The following FSIP2 variants were observed in gnomAD, a reference collection of about 807,000 sequenced individuals.
The protein encoded by FSIP2 is fibrous sheath interacting protein 2, also known as fibrous sheath-interacting protein 2.
In FSIP2, 367 loss-of-function variants were observed where a neutral mutation model predicts 510.5. The ratio of observed to expected loss-of-function variants is 0.72; its 90% CI spans 0.66 to 0.78. FSIP2 has a LOEUF of 0.78. Among genes scored for constraint, FSIP2 ranks in the 30% least tolerant of loss-of-function variants. The probability of loss-of-function intolerance (pLI) is 0.00; values close to 1 mark genes in which losing one functional copy is unlikely to be tolerated. For synonymous variants in FSIP2, 2,601 were observed against 2,732.2 expected (o/e 0.95, Z 1.50); for missense variants, 7,594 against 7,901.7 (o/e 0.96, Z 1.48).
At chr2:185,768,818 T>A (rs1692549225) in intron 13 of FSIP2, among the ~76,000 whole-genome samples, 1 of 152,110 alleles carries the variant, frequency 6.6e-6, no homozygotes, top group Non-Finnish European at 1.5e-5. Flanking sequence ...CTCGGTGTCA[T>A]TCCCCTCTTC....
intron 13 of FSIP2, 93 bp from the exon 14 acceptor site, chr2:185,782,612 A>G (rs985925283): frequency 1.3e-6 from 1 of 766,066 alleles, no homozygotes; most frequent in South Asian, 1.5e-5. Flanking sequence ...CGAGGCAGTG[A>G]TAACAGAAAA....
chr2:185,738,666 C>T (rs1384410711), upstream of FSIP2: 8 of 1,535,940 alleles, frequency 5.2e-6, no homozygotes, highest in East Asian at 2.4e-5. Context: ...TCAGGCCTCT[C>T]GGACCGATTT....
Position 185,806,911 on chromosome 2 carries a change from A to G in FSIP2, c.17605A>G (p.Arg5869Gly), listed in dbSNP as rs200104622. The change falls in exon 17 of 23, where the codon AGG becomes GGG. Residue 5869 changes from arginine (R) to glycine (G), a missense_variant. Transcript: ENST00000424728. ...KVSSVPKVPPRYKEPTTDEAP... is the reference protein window; with the variant it reads ...KVSSVPKVPPGYKEPTTDEAP... ...GTCTTCAGTTCCTAAAGTACCTCCA[A>G]GGTATAAAGAGCCAACTACAGATGA... The G allele has an allele frequency of 5.8e-5, 94 of 1,610,186 alleles. No individual in the cohort carries two copies. The highest frequency in any genetic ancestry group is 7.1e-5 in the Non-Finnish European group (84 of 1,178,372).
chr2:185,801,661 A>G lies in FSIP2; in HGVS notation c.12355A>G (p.Ser4119Gly), dbSNP rs1358804623. 1.3e-6 allele frequency: 2 copies of G among 1,529,132 alleles called. No individual in the cohort carries two copies. The highest frequency in any genetic ancestry group is 2.4e-5 in the South Asian group (2 of 83,002). The allele number at this position is 1,529,132 out of a possible 1,614,324, so 94.7% of individuals were successfully genotyped here. The part of the protein sequence containing the change: ...KPEIILQKLQ[S>G]NLTEFTSLPR... The stretch of plus-strand genomic sequence containing the variant: ...TGAAATTATATTGCAAAAGCTTCAA[A>G]GTAACCTAACAGAATTTACTTCTCT... The change falls in exon 17 of 23, where the codon AGT (serine) becomes GGT (glycine). Residue 4119 changes from serine (S) to glycine (G), a missense_variant. Coordinates refer to ENST00000424728, the MANE Select transcript of FSIP2 (RefSeq NM_173651.4).
intron 13 of FSIP2, among the ~76,000 whole-genome samples, chr2:185,780,834 G>T (rs535399295): frequency 3.4e-4 from 52 of 152,096 alleles, no homozygotes; most frequent in African/African-American, 1.2e-3. Flanking sequence ...ATTTACATAC[G>T]CTGCTGCCAG....
chr2:185,809,283 T>C (rs921969358), intron 17 of FSIP2, 150 bp downstream of exon 17: 3 of 817,178 alleles, frequency 3.7e-6, no homozygotes, highest in African/African-American at 3.5e-5. Flanking sequence ...AGTTCATCCA[T>C]ACAGTCATAT....
intron 3 of FSIP2, 60 bp downstream of exon 3, chr2:185,743,354 T>C (rs1198050952): frequency 3.4e-6 from 4 of 1,186,796 alleles, no homozygotes; most frequent in Non-Finnish European, 4.5e-6. Context: ...TGATATAAAC[T>C]TGTTTCTGTA....
At chr2:185,746,265 T>G (rs942149111) in intron 5 of FSIP2, among the ~76,000 whole-genome samples, 1 of 148,784 alleles carries the variant, frequency 6.7e-6, no homozygotes, top group Non-Finnish European at 1.5e-5. Context: ...TGCCCAGTTT[T>G]TCTTAGAGAA....
At chr2:185,751,972 A>G (rs1692157492) in intron 7 of FSIP2, among the ~76,000 whole-genome samples, 1 of 102,908 alleles carries the variant, frequency 9.7e-6, no homozygotes, top group Non-Finnish European at 2.1e-5. Flanking sequence ...TTTATCTTTT[A>G]TCCTGATGTA....
Position 185,828,195 on chromosome 2 carries a change from T to A in FSIP2, c.20513T>A (p.Val6838Asp). The A allele has an allele frequency of 6.4e-7, 1 of 1,568,004 alleles. No homozygotes were observed. The highest frequency in any genetic ancestry group is 8.8e-7 in the Non-Finnish European group (1 of 1,139,854). ...CAAAAGCCAGAGCATGGAAACAGTG[T>A]TAAGGTAAGTATTTTTAACTAGCCT... ...QEQKPEHGNS[V>D]KFITIFERSK... Residue 6838 changes from valine (V) to aspartate (D), a missense_variant, in exon 21 of 23, where the codon GTT becomes GAT. Coordinates refer to ENST00000424728, the MANE Select transcript of FSIP2 (RefSeq NM_173651.4).
intron 4 of FSIP2, 196 bp downstream of exon 4, chr2:185,744,607 G>A (rs1691987165): frequency 5.2e-6 from 1 of 193,710 alleles, no homozygotes; most frequent in Admixed American, 6.1e-5. Context: ...ATGGGAAAGG[G>A]ACTGGGTTAT....
At position 185,800,363 on chromosome 2, in the gene FSIP2, A is replaced by T; in HGVS notation, c.11057A>T (p.Asn3686Ile). The T allele has an allele frequency of 5.2e-6, 8 of 1,527,380 alleles. No individual in the cohort carries two copies. The highest frequency in any genetic ancestry group is 7.0e-6 in the Non-Finnish European group (8 of 1,143,816). 94.6% of individuals were successfully genotyped at this position (1,527,380 alleles called of 1,614,324 possible). A position where few individuals can be genotyped will look rare whatever the true frequency, so the allele number is the denominator to read the frequency against. Residue 3686 changes from asparagine to isoleucine, a missense_variant, in exon 17 of 23, where the codon AAC becomes ATC. By Grantham distance (149) the Asn-to-Ile change is moderately radical. Transcript: ENST00000424728. Reference protein sequence around the residue: ...LACKLNSLVGNLKTSESKEVV... With the variant: ...LACKLNSLVGILKTSESKEVV... ...TGTAAGTTAAACAGCCTGGTTGGTA[A>T]CCTAAAAACAAGTGAATCCAAAGAA...
chr2:185,818,080 C>T (rs1693855913), intron 19 of FSIP2, among the ~76,000 whole-genome samples: 1 of 151,816 alleles, frequency 6.6e-6, no homozygotes, highest in South Asian at 2.1e-4. Context: ...CACTTGCATG[C>T]CTGTATCAAA....
At position 185,790,531 on chromosome 2, in the gene FSIP2, A is replaced by G. The variant is rs1559025861; in HGVS notation, c.3395A>G (p.Lys1132Arg). 2 of 1,534,116 alleles carry G rather than the reference A, an allele frequency of 1.3e-6. No individual in the cohort carries two copies. The highest frequency in any genetic ancestry group is 1.7e-6 in the Non-Finnish European group (2 of 1,145,590). The change falls in exon 16 of 23, where the codon AAA becomes AGA. Residue 1132 changes from lysine (K) to arginine (R), a missense_variant. Physicochemically the swap from Lys to Arg is conservative, Grantham distance 26 (BLOSUM62 2). Coordinates refer to ENST00000424728, the MANE Select transcript of FSIP2 (RefSeq NM_173651.4). Reference protein sequence around the residue: ...SSVPFGHLDSKTGSEASVLVS... With the variant: ...SSVPFGHLDSRTGSEASVLVS... ...GTTCCTTTTGGTCACTTAGACAGCA[A>G]AACTGGCAGTGAAGCTTCAGTTCTT... is the stretch of plus-strand genomic sequence containing the variant.
chr2:185,800,633 A>G lies in FSIP2; in HGVS notation c.11327A>G (p.Lys3776Arg), dbSNP rs1352321895. Residue 3776 changes from lysine (K) to arginine (R), a missense_variant, in exon 17 of 23, where the codon AAA becomes AGA. Transcript: ENST00000424728. ...EECTSTAFPD[K>R]GSVSEETSAE... is the part of the protein sequence containing the mutation. ...TGCACAAGCACTGCTTTTCCTGATA[A>G]AGGGTCTGTTTCAGAGGAAACATCA... 3.9e-6 allele frequency: 6 copies of G among 1,534,056 alleles called. No homozygotes were observed. In the South Asian group the frequency reaches 7.2e-5, roughly 18 times the overall value.
chr2:185,738,911 G>A lies in FSIP2; in HGVS notation c.17G>A (p.Gly6Asp), dbSNP rs553499306. Reference sequence around the variant, plus strand: ...GTGCCGGCCATGGAGCTGTACCTCGGCGCCTGCTCCAAGCCTGCCAAAGTC... The same window carrying A: ...GTGCCGGCCATGGAGCTGTACCTCGACGCCTGCTCCAAGCCTGCCAAAGTC... MELYL[G>D]ACSKPAKVAV... is the part of the protein sequence containing the mutation. The change falls in exon 1 of 23, where the codon GGC (glycine) becomes GAC (aspartate). Residue 6 changes from glycine (G) to aspartate (D), a missense_variant. By Grantham distance (94) the Gly-to-Asp change is moderately conservative. Coordinates refer to ENST00000424728, the MANE Select transcript of FSIP2 (RefSeq NM_173651.4). 45 of 1,535,116 alleles carry A rather than the reference G, an allele frequency of 2.9e-5. No homozygotes were observed. The East Asian group carries it at 8.6e-4, about 29-fold the overall frequency.
chr2:185,798,752 A>G (rs1219069997), intron 16 of FSIP2, among the ~76,000 whole-genome samples: 2 of 151,886 alleles, frequency 1.3e-5, no homozygotes, highest in Admixed American at 1.3e-4. Flanking sequence ...AAACAAAAGC[A>G]AAACAAGCAA....
chr2:185,739,296 A>ATC (rs1559006591), intron 1 of FSIP2, 50 bp from the exon 2 acceptor site: 2 of 1,485,294 alleles, frequency 1.3e-6, no homozygotes, highest in African/African-American at 2.8e-5. Context: ...TCTAAACTAA[A>ATC]CTAATACTGC....
At chr2:185,825,328 G>A (rs972507437) in intron 20 of FSIP2, among the ~76,000 whole-genome samples, 3 of 151,668 alleles carry the variant, frequency 2.0e-5, no homozygotes, top group African/African-American at 7.3e-5. Context: ...TCATTTTATA[G>A]ATGAGGAAAC....
Sources: allele counts gnomAD v4.1 joint callset (sites outside exome capture counted in the v4.1 genomes callset), GRCh38; gene constraint gnomAD v4.1.1; transcripts MANE v1.5; gene names NCBI Gene and HGNC (gene_info 2026-07-23, HGNC 2026-07-21).